The following ACVR2A variants were observed in gnomAD, a reference collection of about 807,000 sequenced individuals.
ACVR2A encodes the protein activin receptor type-2A.
A neutral mutation model predicts 61.4 loss-of-function variants in ACVR2A; 7 were observed. The ratio of observed to expected loss-of-function variants is 0.11; its 90% CI spans 0.06 to 0.21. The LOEUF (loss-of-function observed/expected upper bound fraction) is 0.21. ACVR2A is among the 10% of genes least tolerant of loss of function. ACVR2A has a pLI of 1.00. For missense variants in ACVR2A, 322 were observed against 621.7 expected (o/e 0.52, Z 5.13); for synonymous variants, 193 against 208.3 (o/e 0.93, Z 0.63).
At chr2:147,848,462 G>A (rs1229358844) in intron 1 of ACVR2A, among the ~76,000 whole-genome samples, 1 of 152,096 alleles carries the variant, frequency 6.6e-6, no homozygotes, top group Non-Finnish European at 1.5e-5. Context: ...AGAGGGCAGG[G>A]ATGCTTCTAA....
At chr2:147,846,353 G>A (rs1453775203) in intron 1 of ACVR2A, among the ~76,000 whole-genome samples, 1 of 151,214 alleles carries the variant, frequency 6.6e-6, no homozygotes. Flanking sequence ...AAAATTAAAG[G>A]GTGGTAGTCT....
chr2:147,921,006 C>T (rs1184910114), intron 8 of ACVR2A, among the ~76,000 whole-genome samples: 1 of 152,036 alleles, frequency 6.6e-6, no homozygotes, highest in East Asian at 1.9e-4. Context: ...AAGATGTTTT[C>T]ATTCCTGCAA....
intron 1 of ACVR2A, among the ~76,000 whole-genome samples, chr2:147,876,841 G>C (rs887610961): frequency 1.3e-5 from 2 of 152,176 alleles, no homozygotes; most frequent in African/African-American, 4.8e-5. Flanking sequence ...CTGCCAGCCA[G>C]TTGCTTAAAT....
chr2:147,863,517 C>T (rs762279146), intron 1 of ACVR2A, among the ~76,000 whole-genome samples: 4 of 151,976 alleles, frequency 2.6e-5, no homozygotes, highest in East Asian at 1.9e-4. Context: ...AGTTGATTAA[C>T]GCATGTTTTG....
At chr2:147,890,454 T>C (rs1686555130) in intron 1 of ACVR2A, among the ~76,000 whole-genome samples, 1 of 151,964 alleles carries the variant, frequency 6.6e-6, no homozygotes, top group African/African-American at 2.4e-5. Flanking sequence ...ATTCTCAAAA[T>C]AAACTTTTCA....
intron 6 of ACVR2A, 130 bp from the exon 7 acceptor site, chr2:147,918,317 A>G (rs949856384): frequency 1.4e-6 from 1 of 713,610 alleles, no homozygotes; most frequent in African/African-American, 1.8e-5. Context: ...CATTCCAGAA[A>G]GATTGTTTCT....
intron 9 of ACVR2A, 132 bp from the exon 10 acceptor site, chr2:147,925,899 T>C: frequency 1.1e-6 from 1 of 883,246 alleles, no homozygotes; most frequent in South Asian, 1.8e-5. Context: ...TGAGAGTCTG[T>C]TTCTCTTCTG....
At chr2:147,853,469 A>G (rs1573911042) in intron 1 of ACVR2A, among the ~76,000 whole-genome samples, 1 of 152,226 alleles carries the variant, frequency 6.6e-6, no homozygotes, top group African/African-American at 2.4e-5. Context: ...GTAGATTTAG[A>G]TGCTTTTCTG....
At chr2:147,850,670 A>G (rs1023427597) in intron 1 of ACVR2A, among the ~76,000 whole-genome samples, 2 of 151,850 alleles carry the variant, frequency 1.3e-5, no homozygotes, top group African/African-American at 2.4e-5. Context: ...CAAATTGACT[A>G]TTGAACATGA....
At position 147,896,050 on chromosome 2, in the gene ACVR2A, A is replaced by G. The variant is rs1686725079; in HGVS notation, c.56-251A>G. ...TAACAATTTCTGTGGCTTTTCATCA[A>G]GGACATTCTCAAGTGAAGTGAAACT... is the stretch of plus-strand genomic sequence containing the variant. On this transcript the variant is annotated intron_variant, in intron 1 of 10. Coordinates refer to ENST00000241416, the MANE Select transcript of ACVR2A (RefSeq NM_001616.5). Among the ~76,000 whole-genome samples the G allele has an allele frequency of 1.3e-5, 2 of 152,210 alleles. 1 individual carries two copies. Among genetic ancestry groups the G allele is most frequent in the South Asian group, 4.1e-4 (2 of 4,832 alleles).
chr2:147,849,059 A>C (rs1685387439), intron 1 of ACVR2A, among the ~76,000 whole-genome samples: 1 of 152,148 alleles, frequency 6.6e-6, no homozygotes, highest in Non-Finnish European at 1.5e-5. Context: ...CCTTGATGAA[A>C]TGCTTGAGAA....
At chr2:147,908,744 A>G (rs1687048126) in intron 4 of ACVR2A, among the ~76,000 whole-genome samples, 2 of 152,176 alleles carry the variant, frequency 1.3e-5, no homozygotes, top group African/African-American at 4.8e-5. Flanking sequence ...CAGTTTTCAT[A>G]TAGTTTGGAT....
At chr2:147,899,060 T>C (rs1323760140) in intron 2 of ACVR2A, among the ~76,000 whole-genome samples, 1 of 152,152 alleles carries the variant, frequency 6.6e-6, no homozygotes, top group Non-Finnish European at 1.5e-5. Flanking sequence ...TTTCAGTTTT[T>C]GTATTCACAG....
intron 8 of ACVR2A, 82 bp from the exon 9 acceptor site, chr2:147,922,891 G>A: frequency 6.9e-7 from 1 of 1,449,766 alleles, no homozygotes; most frequent in South Asian, 1.3e-5. Context: ...GACCACATTT[G>A]GTTTTGATTC....
intron 1 of ACVR2A, among the ~76,000 whole-genome samples, chr2:147,875,050 G>A (rs1289642858): frequency 6.6e-6 from 1 of 151,862 alleles, no homozygotes; most frequent in Non-Finnish European, 1.5e-5. Flanking sequence ...TATTTTACTT[G>A]TGTAGAGGCG....
At position 147,918,441 on chromosome 2, in the gene ACVR2A, T is replaced by A; in HGVS notation, c.817-6T>A. The A allele has an allele frequency of 6.3e-7, 1 of 1,596,342 alleles. No homozygotes were observed. The highest frequency in any genetic ancestry group is 8.5e-7 in the Non-Finnish European group (1 of 1,174,368). On this transcript the variant is annotated splice_polypyrimidine_tract_variant and splice_region_variant and intron_variant, in intron 6 of 10. Coordinates refer to ENST00000241416, the MANE Select transcript of ACVR2A (RefSeq NM_001616.5). ...CATAAGTTTCTTTTTTTCCCTCTTTTTTTAGGGTTCACTATCAGACTTTCT... is the reference window on the plus strand; with the variant it reads ...CATAAGTTTCTTTTTTTCCCTCTTTATTTAGGGTTCACTATCAGACTTTCT...
At chr2:147,915,973 A>G (rs1019677643) in intron 5 of ACVR2A, among the ~76,000 whole-genome samples, 1 of 151,820 alleles carries the variant, frequency 6.6e-6, no homozygotes, top group African/African-American at 2.4e-5. Context: ...TCTCTTGCTT[A>G]TATACCCTGG....
chr2:147,911,419 A>G (rs905058655), intron 4 of ACVR2A, among the ~76,000 whole-genome samples: 2 of 152,086 alleles, frequency 1.3e-5, no homozygotes, highest in Admixed American at 6.6e-5. Flanking sequence ...ATCATTGCCA[A>G]CTTTTAAAAT....
intron 1 of ACVR2A, among the ~76,000 whole-genome samples, chr2:147,876,481 G>T (rs935539679): frequency 6.6e-6 from 1 of 151,786 alleles, no homozygotes; most frequent in African/African-American, 2.4e-5. Context: ...CAAGGTTGAG[G>T]TATATGCCAT....
Sources: allele counts gnomAD v4.1 joint callset (sites outside exome capture counted in the v4.1 genomes callset), GRCh38; gene constraint gnomAD v4.1.1; transcripts MANE v1.5; gene names NCBI Gene and HGNC (gene_info 2026-07-23, HGNC 2026-07-21).